Variants in DMD observed in about 807,000 individuals in gnomAD.
DMD encodes the protein dystrophin.
Under a neutral mutation model 330.1 loss-of-function variants are expected in DMD, and 63 were observed. That is an observed-to-expected ratio of 0.19 (90% CI 0.16 to 0.24). The LOEUF is 0.24. Among genes scored for constraint, DMD ranks in the 10% least tolerant of loss-of-function variants. DMD has a pLI of 1.00. For missense variants in DMD, 3,344 were observed against 2,684.1 expected (o/e 1.25, Z -5.43); for synonymous variants, 1,223 against 959.8 (o/e 1.27, Z -5.07).
At chrX:32,207,090 C>A (rs1173477354) in intron 44 of DMD, among the ~76,000 whole-genome samples, 1 of 111,754 alleles carries the variant, frequency 8.9e-6, no homozygotes, top group Admixed American at 9.5e-5. Context: ...GAAGATTCAT[C>A]TCTTGGGTGC....
In DMD at chrX:31,321,606, A is replaced by AG. The variant is rs1171443709; in HGVS notation, c.9224+1991_9224+1992insC. Among the ~76,000 whole-genome samples, 266 of 93,741 alleles carry AG rather than the reference A, an allele frequency of 2.8e-3. 13 individuals are homozygous for AG. Among genetic ancestry groups the AG allele is most frequent in the African/African-American group, 0.013 (249 of 19,688 alleles). The allele number at this position is 93,741 out of a possible 115,157, so 81.4% of individuals were successfully genotyped here. On this transcript the variant is annotated intron_variant, in intron 62 of 78. Transcript: ENST00000357033. ...CTCAAAAAAAAAAAAAAAAAAAAAAAAAAAGAAAGAAACCAAGATTTTTAT... is the reference window on the plus strand; with the variant it reads ...CTCAAAAAAAAAAAAAAAAAAAAAAAGAAAAGAAAGAAACCAAGATTTTTAT...
chrX:32,396,717 A>G (rs2098047027), intron 30 of DMD, among the ~76,000 whole-genome samples: 1 of 111,723 alleles, frequency 9.0e-6, no homozygotes, highest in African/African-American at 3.2e-5. Flanking sequence ...AAAATTATAA[A>G]ATAAAATGTC....
chrX:33,006,703 A>C (rs189840313), intron 2 of DMD, among the ~76,000 whole-genome samples: 1 of 111,638 alleles, frequency 9.0e-6, no homozygotes, highest in African/African-American at 3.2e-5. Flanking sequence ...ATTTTTTAAT[A>C]GAGATAAATG....
intron 12 of DMD, among the ~76,000 whole-genome samples, chrX:32,606,692 T>C (rs1489888400): frequency 1.9e-5 from 2 of 104,079 alleles, no homozygotes; most frequent in African/African-American, 3.5e-5. Context: ...GAAAATGTGA[T>C]ATGCACATGT....
At chrX:31,355,419 T>C (rs747687943) in intron 60 of DMD, among the ~76,000 whole-genome samples, 1 of 112,357 alleles carries the variant, frequency 8.9e-6, no homozygotes, top group South Asian at 3.7e-4. Flanking sequence ...GGAACGTATG[T>C]TTTGATTTTC....
At chrX:32,732,886 T>A (rs1026472788) in intron 7 of DMD, among the ~76,000 whole-genome samples, 1 of 110,628 alleles carries the variant, frequency 9.0e-6, no homozygotes, top group African/African-American at 3.3e-5. Context: ...AACATCATAA[T>A]GACAGGATCA....
At chrX:32,920,801 A>G (rs1486997231) in intron 2 of DMD, among the ~76,000 whole-genome samples, 3 of 112,430 alleles carry the variant, frequency 2.7e-5, no homozygotes, top group Non-Finnish European at 1.9e-5. Flanking sequence ...ACAAAATAAC[A>G]TAATCACCCA....
chrX:33,155,883 C>T (rs1360902557), intron 1 of DMD, among the ~76,000 whole-genome samples: 1 of 110,735 alleles, frequency 9.0e-6, no homozygotes, highest in Non-Finnish European at 1.9e-5. Flanking sequence ...GAGCAGATCG[C>T]GCCACCACGC....
intron 56 of DMD, among the ~76,000 whole-genome samples, chrX:31,505,696 C>T (rs765375235): frequency 5.4e-5 from 6 of 110,564 alleles, no homozygotes; most frequent in East Asian, 2.9e-4. Flanking sequence ...TGAAGTGGTG[C>T]GATCTCGGCT....
At chrX:31,408,892 A>G (rs1367651372) in intron 60 of DMD, among the ~76,000 whole-genome samples, 1 of 111,566 alleles carries the variant, frequency 9.0e-6, no homozygotes, top group Non-Finnish European at 1.9e-5. Flanking sequence ...CCATTAACTC[A>G]TCATTTAGCG....
chrX:32,521,749 A>C (rs759438843), intron 17 of DMD, among the ~76,000 whole-genome samples: 145 of 112,269 alleles, frequency 1.3e-3, no homozygotes, highest in Non-Finnish European at 2.4e-3. Flanking sequence ...AGTAATTAGC[A>C]TCACCATCCC....
intron 67 of DMD, among the ~76,000 whole-genome samples, chrX:31,192,897 G>A (rs1052730373): frequency 1.8e-5 from 2 of 112,076 alleles, no homozygotes; most frequent in Non-Finnish European, 3.8e-5. Flanking sequence ...GGCCCACTTA[G>A]GACAATTTCC....
At chrX:32,596,984 T>G (rs1334763377) in intron 12 of DMD, among the ~76,000 whole-genome samples, 1 of 111,840 alleles carries the variant, frequency 8.9e-6, no homozygotes, top group Admixed American at 9.6e-5. Flanking sequence ...CCTGAAATTC[T>G]TATATGATCT....
chrX:32,859,547 TTAGA>T (rs1304461059), intron 2 of DMD, among the ~76,000 whole-genome samples: 2 of 108,749 alleles, frequency 1.8e-5, no homozygotes, highest in Non-Finnish European at 3.8e-5. Flanking sequence ...AAATATTATA[TTAGA>T]AAGTGCAGAA....
intron 34 of DMD, among the ~76,000 whole-genome samples, chrX:32,369,672 G>A (rs866519101): frequency 9.0e-6 from 1 of 110,988 alleles, no homozygotes; most frequent in Middle Eastern, 4.2e-3. Flanking sequence ...AAGTTTTCCA[G>A]TACCTTCCAC....
intron 51 of DMD, among the ~76,000 whole-genome samples, chrX:31,769,542 G>A (rs1001417221): frequency 9.0e-6 from 1 of 111,673 alleles, no homozygotes; most frequent in East Asian, 2.8e-4. Context: ...GGGCCACACT[G>A]GAAGAAGAAT....
intron 2 of DMD, among the ~76,000 whole-genome samples, chrX:32,866,752 G>GGGGGGGGT (rs2082539861): frequency 3.6e-5 from 3 of 84,097 alleles, no homozygotes; most frequent in Admixed American, 1.4e-4. Flanking sequence ...TGGGGGGGGG[G>GGGGGGGGT]GGACAGAGTT....
intron 44 of DMD, among the ~76,000 whole-genome samples, chrX:32,214,761 C>A (rs931249079): frequency 9.0e-6 from 1 of 111,451 alleles, no homozygotes; most frequent in African/African-American, 3.3e-5. Context: ...TGTTCCAGAA[C>A]GAGGTTTGAG....
chrX:31,245,559 G>A (rs1419289403), intron 63 of DMD, among the ~76,000 whole-genome samples: 2 of 112,074 alleles, frequency 1.8e-5, no homozygotes, highest in South Asian at 3.8e-4. Context: ...GAAGGTTTGT[G>A]GCAATCCTGT....
Sources: gnomAD v4.1 joint callset for allele counts (sites outside exome capture counted in the v4.1 genomes callset) on GRCh38, gnomAD v4.1.1 for gene constraint, MANE v1.5 for transcripts, NCBI Gene and HGNC (gene_info 2026-07-23, HGNC 2026-07-21) for gene names.